The following GPAM variants were observed in gnomAD, a reference collection of about 807,000 sequenced individuals.
The protein encoded by GPAM is glycerol-3-phosphate acyltransferase 1, mitochondrial.
Under a neutral mutation model 105.0 loss-of-function variants are expected in GPAM, and 56 were observed. That is an observed-to-expected ratio of 0.53 (90% CI 0.43 to 0.67). GPAM has a LOEUF of 0.67. GPAM is among the 30% of genes least tolerant of loss of function. The pLI is 0.00. For synonymous variants in GPAM, 368 were observed against 354.4 expected, an observed-to-expected ratio of 1.04 and a Z score of -0.43; for missense variants, 855 against 989.8, an observed-to-expected ratio of 0.86 and a Z score of 1.83.
Position 112,153,602 on chromosome 10 carries a change from T to C in GPAM, c.2435A>G (p.Gln812Arg), listed in dbSNP as rs768405384. The C allele has an allele frequency of 6.2e-7, 1 of 1,613,966 alleles. No individual in the cohort carries two copies. Among genetic ancestry groups the C allele is most frequent in the South Asian group, 1.1e-5 (1 of 91,084 alleles). ...TTCTAGAAGTTTTTGTCGGTTGCAT[T>C]GAGGTAGAAAAGTGCTGCTCAGTTC... ...VLELSSTFLP[Q>R]CNRQKLLEYI... The change falls in exon 22 of 22, where the codon CAA becomes CGA. Residue 812 changes from glutamine to arginine, a missense_variant. Gln to Arg is a conservative substitution (Grantham distance 43). Transcript: ENST00000348367.
chr10:112,189,638 T>C (rs1457298872), intron 1 of GPAM, among the ~76,000 whole-genome samples: 1 of 152,198 alleles, frequency 6.6e-6, no homozygotes, highest in Non-Finnish European at 1.5e-5. Flanking sequence ...GCAACTATCC[T>C]TCTAGCCAAG....
chr10:112,202,949 A>G (rs1271606866), intron 1 of GPAM, among the ~76,000 whole-genome samples: 1 of 152,222 alleles, frequency 6.6e-6, no homozygotes. Context: ...TCAACTCGCC[A>G]TCCCTTGGGT....
intron 1 of GPAM, among the ~76,000 whole-genome samples, chr10:112,202,675 T>C (rs1287146992): frequency 6.6e-6 from 1 of 152,224 alleles, no homozygotes. Flanking sequence ...TAAATTTTCA[T>C]CTCAAGCATG....
At position 112,155,983 on chromosome 10, in the gene GPAM, GCCTCCAGCA is replaced by G. The variant is rs1330323434; in HGVS notation, c.2183_2191del (p.Leu728_Ala731delinsSer). 1 of 1,611,376 alleles carries G rather than the reference GCCTCCAGCA, an allele frequency of 6.2e-7. No homozygotes were observed. The highest frequency in any genetic ancestry group is 8.5e-7 in the Non-Finnish European group (1 of 1,177,686). ...AACAAAGATGGCAGCAGAGCTGTAGGCCTCCAGCAAAGGCCCAAGGAGTCTCTGTAAGAA... is the reference window on the plus strand; with the variant it reads ...AACAAAGATGGCAGCAGAGCTGTAGGAAGGCCCAAGGAGTCTCTGTAAGAA... On this transcript the variant is annotated inframe_deletion, in exon 20 of 22. Coordinates refer to ENST00000348367, the MANE Select transcript of GPAM (RefSeq NM_001244949.2).
intron 19 of GPAM, chr10:112,156,808 T>G (rs1847026417): frequency 5.2e-6 from 1 of 192,788 alleles, no homozygotes; most frequent in South Asian, 1.5e-4. Flanking sequence ...AGGGACTTTT[T>G]TTTTAATCTC....
chr10:112,181,718 T>A lies in GPAM; in HGVS notation c.67A>T (p.Ser23Cys). 6.2e-7 allele frequency: 1 copy of A among 1,609,212 alleles called. No individual in the cohort carries two copies. Reference sequence around the variant, plus strand: ...CTTGTGTGCTTACATCGACCAACACTGTATTCTGATGAATGTGGCAGATAA... The same window carrying A: ...CTTGTGTGCTTACATCGACCAACACAGTATTCTGATGAATGTGGCAGATAA... ...VSYLPHSSEY[S>C]VGRCKHTSEE... The change falls in exon 3 of 22, where the codon AGT becomes TGT. Residue 23 changes from serine (S) to cysteine (C), a missense_variant. By Grantham distance (112) the Ser-to-Cys change is moderately radical (BLOSUM62 -1). Transcript: ENST00000348367.
chr10:112,184,187 T>C (rs1847562283), upstream of GPAM, among the ~76,000 whole-genome samples: 1 of 152,162 alleles, frequency 6.6e-6, no homozygotes, highest in South Asian at 2.1e-4. Context: ...CCAAAGTGGC[T>C]GAGTGCCTTT....
In GPAM at chr10:112,155,972, C is replaced by G. The variant is rs1281296591; in HGVS notation, c.2203G>C (p.Ala735Pro). Residue 735 changes from alanine to proline, a missense_variant, in exon 20 of 22, where the codon GCT becomes CCT. Coordinates refer to ENST00000348367, the MANE Select transcript of GPAM (RefSeq NM_001244949.2). The stretch of plus-strand genomic sequence containing the variant: ...CTGAAGTTGTGAACAAAGATGGCAG[C>G]AGAGCTGTAGGCCTCCAGCAAAGGC... ...LGPLLEAYSS[A>P]AIFVHNFSGP... is the part of the protein sequence containing the mutation. The G allele has an allele frequency of 1.2e-6, 2 of 1,611,646 alleles. No homozygotes were observed. Among genetic ancestry groups the G allele is most frequent in the Non-Finnish European group, 1.7e-6 (2 of 1,177,920 alleles).
upstream of GPAM, among the ~76,000 whole-genome samples, chr10:112,216,648 G>C (rs1052933528): frequency 1.3e-5 from 2 of 150,858 alleles, no homozygotes; most frequent in East Asian, 2.0e-4. Context: ...TTTTGAGACA[G>C]AGTCTCACTC....
At chr10:112,156,079 A>C in intron 19 of GPAM, 26 bp from the exon 20 acceptor site, 1 of 1,552,974 alleles carries the variant, frequency 6.4e-7, no homozygotes, top group Non-Finnish European at 8.9e-7. Flanking sequence ...CAGGAGATGA[A>C]GTCATGAGGA....
At chr10:112,212,553 G>A (rs1040587808) in intron 1 of GPAM, among the ~76,000 whole-genome samples, 1 of 152,124 alleles carries the variant, frequency 6.6e-6, no homozygotes, top group East Asian at 1.9e-4. Context: ...ATGAGCCACC[G>A]TGCCCGGCCT....
At chr10:112,197,746 T>C (rs1244600515) in intron 1 of GPAM, among the ~76,000 whole-genome samples, 7 of 150,462 alleles carry the variant, frequency 4.7e-5, no homozygotes, top group Non-Finnish European at 3.0e-5. Context: ...TGTTTGGTTT[T>C]TTGTTCTTGC....
At chr10:112,175,031 C>G (rs117661489) in intron 6 of GPAM, among the ~76,000 whole-genome samples, 1 of 152,006 alleles carries the variant, frequency 6.6e-6, no homozygotes, top group African/African-American at 2.4e-5. Context: ...TTCTAGAGTA[C>G]GGGAGTTTGG....
chr10:112,166,108 T>G (rs1487112751), intron 12 of GPAM, among the ~76,000 whole-genome samples: 3 of 152,152 alleles, frequency 2.0e-5, no homozygotes, highest in Admixed American at 6.5e-5. Context: ...ATACTAAAAC[T>G]TATTCCTTCT....
chr10:112,171,222 T>C (rs1333003621), intron 9 of GPAM, among the ~76,000 whole-genome samples: 1 of 152,166 alleles, frequency 6.6e-6, no homozygotes, highest in Non-Finnish European at 1.5e-5. Flanking sequence ...CCCAGTTTCC[T>C]AGGTGGTAAA....
chr10:112,200,167 AATATATATATATATATATATATAT>A lies in GPAM; in HGVS notation n.210+14977_210+15000del, dbSNP rs10528337. 3.2e-3 allele frequency among the ~76,000 whole-genome samples: 276 copies of A among 87,200 alleles called. 1 individual carries two copies. Among genetic ancestry groups the A allele is most frequent in the African/African-American group, 8.4e-3 (255 of 30,244 alleles). 57.2% of individuals were successfully genotyped at this position (87,200 alleles called of 152,430 possible). A position where few individuals can be genotyped will look rare whatever the true frequency, so the allele number is the denominator to read the frequency against. On this transcript the variant is annotated intron_variant and non_coding_transcript_variant, in intron 1 of 3. Transcript: ENST00000480130. ...ACACATATTTACACATTGTAAAGGA[AATATATATATATATATATATATAT>A]ATATATATATATATATATTTCAGTC...
the GPAM span, among the ~76,000 whole-genome samples, chr10:112,226,360 A>C: frequency 2.0e-5 from 3 of 152,308 alleles, no homozygotes; most frequent in African/African-American, 7.2e-5. Context: ...CTTGCAGAGC[A>C]CAACAATTAG....
At chr10:112,180,373 T>C in intron 4 of GPAM, 100 bp downstream of exon 4, 1 of 1,118,640 alleles carries the variant, frequency 8.9e-7, no homozygotes, top group Non-Finnish European at 1.4e-6. Context: ...CATGGGTCTC[T>C]GTTCTGAAAG....
rs554758566 is a variant in GPAM at position 112,182,793 on chromosome 10, C to T, written c.-30+1G>A. On this transcript the variant is annotated splice_donor_variant, in intron 2 of 21. Coordinates refer to ENST00000348367, the MANE Select transcript of GPAM (RefSeq NM_001244949.2). LOFTEE classifies it low-confidence loss of function (5UTR_SPLICE). ...CTAGGGGAGAGAATAAACCAATGCA[C>T]CTGGGATGAAAGTTCTTCTGTTTCA... 22 of 152,326 alleles carry T rather than the reference C, an allele frequency of 1.4e-4. No individual in the cohort carries two copies. The highest frequency in any genetic ancestry group is 6.8e-3 in the Middle Eastern group (2 of 294). 9.4% of individuals were successfully genotyped at this position (152,326 alleles called of 1,614,324 possible).
Sources: allele counts gnomAD v4.1 joint callset (sites outside exome capture counted in the v4.1 genomes callset), GRCh38; gene constraint gnomAD v4.1.1; transcripts MANE v1.5; gene names NCBI Gene and HGNC (gene_info 2026-07-23, HGNC 2026-07-21).